Variants in EYS observed in about 807,000 individuals in gnomAD.
EYS encodes protein eyes shut homolog.
In EYS, 250 loss-of-function variants were observed where a neutral mutation model predicts 282.1. The ratio of observed to expected loss-of-function variants is 0.89; its 90% CI spans 0.80 to 0.98. The LOEUF is 0.98. EYS is among the 50% of genes least tolerant of loss of function. The pLI is 0.00. For missense variants in EYS, 4,016 were observed against 3,709.0 expected, an observed-to-expected ratio of 1.08 and a Z score of -2.15; for synonymous variants, 1,355 against 1,282.9, an observed-to-expected ratio of 1.06 and a Z score of -1.20.
chr6:64,039,152 C>A (rs1052194531), intron 33 of EYS, among the ~76,000 whole-genome samples: 1 of 152,128 alleles, frequency 6.6e-6, no homozygotes, highest in Non-Finnish European at 1.5e-5. Flanking sequence ...TTTTCAAATA[C>A]CTGACTGACA....
chr6:64,217,022 G>C (rs997165412), intron 31 of EYS, among the ~76,000 whole-genome samples: 1 of 152,038 alleles, frequency 6.6e-6, no homozygotes, highest in African/African-American at 2.4e-5. Context: ...TTTGCTTGTA[G>C]TCATAGAAGA....
intron 8 of EYS, among the ~76,000 whole-genome samples, chr6:65,358,803 C>A (rs1454012714): frequency 6.6e-6 from 1 of 151,824 alleles, no homozygotes; most frequent in Non-Finnish European, 1.5e-5. Context: ...ATAAAAATTA[C>A]ATTAATTGCA....
At chr6:64,659,595 A>C (rs1218942276) in intron 22 of EYS, among the ~76,000 whole-genome samples, 2 of 152,144 alleles carry the variant, frequency 1.3e-5, no homozygotes, top group Non-Finnish European at 2.9e-5. Context: ...CCATCAGAGA[A>C]TACTATAAAC....
chr6:64,181,286 T>C (rs1162070646), intron 31 of EYS, among the ~76,000 whole-genome samples: 1 of 152,116 alleles, frequency 6.6e-6, no homozygotes, highest in South Asian at 2.1e-4. Flanking sequence ...AATTTTATTA[T>C]TAAATCATTA....
chr6:64,882,802 C>G (rs1562241399), intron 19 of EYS, among the ~76,000 whole-genome samples: 1 of 151,242 alleles, frequency 6.6e-6, no homozygotes, highest in Non-Finnish European at 1.5e-5. Context: ...CATATTGTAC[C>G]AGAGTAGACT....
chr6:64,690,345 T>C (rs868024391), intron 22 of EYS, among the ~76,000 whole-genome samples: 4 of 152,254 alleles, frequency 2.6e-5, no homozygotes, highest in South Asian at 4.1e-4. Context: ...CTGGAGAGGA[T>C]GTCGAGAAAT....
chr6:63,826,498 G>T (rs755921520), intron 36 of EYS, among the ~76,000 whole-genome samples: 5 of 152,142 alleles, frequency 3.3e-5, no homozygotes, highest in African/African-American at 4.8e-5. Context: ...AGACAGAAGT[G>T]CCAGGGAACC....
chr6:64,521,703 TA>T (rs1289956858), intron 26 of EYS, among the ~76,000 whole-genome samples: 1 of 151,798 alleles, frequency 6.6e-6, no homozygotes, highest in Non-Finnish European at 1.5e-5. Context: ...GCAGCACATC[TA>T]ATTTGGCACT....
intron 30 of EYS, among the ~76,000 whole-genome samples, chr6:64,288,288 TG>T (rs1370813066): frequency 6.6e-6 from 1 of 152,156 alleles, no homozygotes; most frequent in Non-Finnish European, 1.5e-5. Context: ...TATCATATAC[TG>T]GGTGACAGAC....
At chr6:64,449,844 C>G (rs1423000465) in intron 26 of EYS, among the ~76,000 whole-genome samples, 4 of 152,160 alleles carry the variant, frequency 2.6e-5, no homozygotes, top group Admixed American at 6.6e-5. Context: ...CCTAAAAGAG[C>G]TCCTGAAGGA....
intron 31 of EYS, among the ~76,000 whole-genome samples, chr6:64,148,001 C>CTT (rs1362903599): frequency 6.6e-6 from 1 of 152,136 alleles, no homozygotes; most frequent in Non-Finnish European, 1.5e-5. Flanking sequence ...GCAAAAAACC[C>CTT]TAGGCCAAAG....
At chr6:64,410,161 GAATTA>G (rs1160078213) in intron 28 of EYS, among the ~76,000 whole-genome samples, 5 of 152,086 alleles carry the variant, frequency 3.3e-5, no homozygotes, top group Admixed American at 2.0e-4. Flanking sequence ...ATGAGTCTGT[GAATTA>G]ACACAACATT....
intron 22 of EYS, among the ~76,000 whole-genome samples, chr6:64,716,765 TA>T (rs1243808197): frequency 3.3e-5 from 5 of 152,146 alleles, no homozygotes; most frequent in Admixed American, 6.5e-5. Flanking sequence ...TTTACGTTGA[TA>T]TTTTTTTTTC....
chr6:65,363,032 G>A (rs1764774288), intron 8 of EYS, among the ~76,000 whole-genome samples: 1 of 152,016 alleles, frequency 6.6e-6, no homozygotes, highest in African/African-American at 2.4e-5. Context: ...TTCAGCTGCT[G>A]AGGTAAAAAT....
chr6:63,918,704 T>C (rs1764488901), intron 35 of EYS, among the ~76,000 whole-genome samples: 2 of 152,178 alleles, frequency 1.3e-5, no homozygotes, highest in Admixed American at 6.5e-5. Context: ...CCTCACTTAT[T>C]ATAAGTGCTG....
chr6:64,010,585 C>T (rs1204788397), intron 33 of EYS, among the ~76,000 whole-genome samples: 1 of 151,988 alleles, frequency 6.6e-6, no homozygotes, highest in Non-Finnish European at 1.5e-5. Flanking sequence ...TTTCTTGGTT[C>T]CTTTTCCAGT....
At chr6:64,757,815 C>T (rs1296451605) in intron 22 of EYS, among the ~76,000 whole-genome samples, 2 of 151,484 alleles carry the variant, frequency 1.3e-5, no homozygotes, top group Non-Finnish European at 2.9e-5. Flanking sequence ...GACGGAGTCT[C>T]GCTCTGTCGC....
intron 1 of EYS, among the ~76,000 whole-genome samples, chr6:65,653,409 C>T (rs1562311079): frequency 1.3e-5 from 2 of 151,864 alleles, no homozygotes; most frequent in African/African-American, 4.8e-5. Flanking sequence ...AAAATTGCCA[C>T]CAAACAAGTT....
intron 9 of EYS, among the ~76,000 whole-genome samples, chr6:65,350,344 A>G (rs190718283): frequency 4.8e-4 from 73 of 151,658 alleles, no homozygotes; most frequent in Admixed American, 1.2e-3. Context: ...CGTATAATGC[A>G]TAAATTATAA....
Sources: gnomAD v4.1 joint callset for allele counts (sites outside exome capture counted in the v4.1 genomes callset) on GRCh38, gnomAD v4.1.1 for gene constraint, MANE v1.5 for transcripts, NCBI Gene and HGNC (gene_info 2026-07-23, HGNC 2026-07-21) for gene names.